ARMH4: variants seen among roughly 807,000 people sequenced by gnomAD.
ARMH4 encodes armadillo-like helical domain-containing protein 4.
ARMH4 carries 49 observed loss-of-function variants against 61.9 expected under a neutral mutation model. That is an observed-to-expected ratio of 0.79 (90% CI 0.63 to 1.00). ARMH4 has a LOEUF of 1.00. Among genes scored for constraint, ARMH4 ranks in the 50% least tolerant of loss-of-function variants. The pLI, the probability that ARMH4 is intolerant of heterozygous loss-of-function variation, is 0.00. For missense variants in ARMH4, 934 were observed against 930.0 expected (o/e 1.00, Z -0.06); for synonymous variants, 368 against 341.5 (o/e 1.08, Z -0.85).
intron 5 of ARMH4, among the ~76,000 whole-genome samples, chr14:58,072,345 T>C (rs1171138077): frequency 6.6e-6 from 1 of 152,216 alleles, no homozygotes; most frequent in Non-Finnish European, 1.5e-5. Flanking sequence ...GGATTTGGGT[T>C]TGGGGTGGGA....
intron 4 of ARMH4, among the ~76,000 whole-genome samples, chr14:58,100,759 C>G (rs934517755): frequency 1.3e-5 from 2 of 152,112 alleles, no homozygotes. Context: ...AGTGCCCCTG[C>G]CTGTACCCCC....
At chr14:58,055,613 C>G (rs948311734) in intron 5 of ARMH4, among the ~76,000 whole-genome samples, 1 of 152,168 alleles carries the variant, frequency 6.6e-6, no homozygotes. Flanking sequence ...AGTCCACAGA[C>G]CAGCAGCATC....
intron 4 of ARMH4, among the ~76,000 whole-genome samples, chr14:58,116,717 G>C (rs544433651): frequency 6.6e-6 from 1 of 152,254 alleles, no homozygotes; most frequent in African/African-American, 2.4e-5. Context: ...ATTTCATTTA[G>C]TATTACTTTC....
intron 1 of ARMH4, 27 bp downstream of exon 1, chr14:58,152,048 A>C (rs1594788948): frequency 6.5e-6 from 1 of 152,828 alleles, no homozygotes; most frequent in Non-Finnish European, 1.5e-5. Flanking sequence ...CGGCCGCCCA[A>C]GTGGCCGGAG....
chr14:58,142,444 T>C (rs1887596028), intron 1 of ARMH4, among the ~76,000 whole-genome samples: 1 of 148,584 alleles, frequency 6.7e-6, no homozygotes, highest in Non-Finnish European at 1.5e-5. Context: ...CCTTCCTCCT[T>C]TTTTTGTTTC....
rs567424774 is a variant in ARMH4 at position 58,093,482 on chromosome 14, G to T, written c.2089+3242C>A. Among the ~76,000 whole-genome samples the T allele has an allele frequency of 3.9e-5, 6 of 152,280 alleles. No homozygotes were observed. In the South Asian group the frequency reaches 1.2e-3, roughly 32 times the overall value. On this transcript the variant is annotated intron_variant, in intron 5 of 7. Coordinates refer to ENST00000267485, the MANE Select transcript of ARMH4 (RefSeq NM_001001872.4). ...ACTGGGATTACAGGTGTGAGCCACT[G>T]TGCCCAGCCTAAAGATCCTTAATTT...
intron 1 of ARMH4, among the ~76,000 whole-genome samples, chr14:58,148,606 T>A (rs993096479): frequency 2.0e-5 from 3 of 152,192 alleles, no homozygotes; most frequent in African/African-American, 7.2e-5. Flanking sequence ...AGAGATTCCA[T>A]AAATATTTGT....
At chr14:58,148,505 C>A (rs2140004948) in intron 1 of ARMH4, among the ~76,000 whole-genome samples, 1 of 152,286 alleles carries the variant, frequency 6.6e-6, no homozygotes, top group East Asian at 1.9e-4. Flanking sequence ...CTCAGCACCT[C>A]AAATGAGATT....
intron 1 of ARMH4, among the ~76,000 whole-genome samples, chr14:58,145,681 C>T (rs547337215): frequency 3.0e-4 from 46 of 152,358 alleles, no homozygotes; most frequent in Middle Eastern, 3.4e-3. Context: ...TTGTCAGCCA[C>T]CTGCTTTCTA....
Position 58,057,596 on chromosome 14 carries a change from A to C in ARMH4, c.2089+39128T>G, listed in dbSNP as rs1299040632. On this transcript the variant is annotated intron_variant, in intron 5 of 7. Coordinates refer to ENST00000267485, the MANE Select transcript of ARMH4 (RefSeq NM_001001872.4). ...TGTGTGTGTGTGTGTGTGTATTTTG[A>C]TGGACAGAGATCAAGTGAATGAAAT... 2.0e-5 allele frequency among the ~76,000 whole-genome samples: 3 copies of C among 151,664 alleles called. No homozygotes were observed. In the East Asian group the frequency reaches 5.8e-4, roughly 29 times the overall value.
chr14:58,125,701 C>G (rs1886874377), intron 4 of ARMH4, among the ~76,000 whole-genome samples: 1 of 152,186 alleles, frequency 6.6e-6, no homozygotes, highest in Non-Finnish European at 1.5e-5. Context: ...AGGCACTCCT[C>G]CCGAGGAAAT....
intron 4 of ARMH4, among the ~76,000 whole-genome samples, chr14:58,103,708 C>T (rs1052395632): frequency 2.0e-5 from 3 of 152,068 alleles, no homozygotes; most frequent in African/African-American, 7.2e-5. Context: ...CCCACCTCAG[C>T]CTCCCAAAGT....
chr14:58,108,115 C>T (rs1477925514), intron 4 of ARMH4, among the ~76,000 whole-genome samples: 1 of 152,070 alleles, frequency 6.6e-6, no homozygotes, highest in East Asian at 1.9e-4. Flanking sequence ...ATATTAAATT[C>T]GTCTTGAGGA....
At chr14:58,064,095 T>G (rs1884625382) in intron 5 of ARMH4, among the ~76,000 whole-genome samples, 1 of 150,644 alleles carries the variant, frequency 6.6e-6, no homozygotes, top group African/African-American at 2.5e-5. Flanking sequence ...ACCCAAAATG[T>G]TGGCATTAAA....
chr14:58,125,795 G>A (rs1473478263), intron 4 of ARMH4, among the ~76,000 whole-genome samples: 2 of 152,136 alleles, frequency 1.3e-5, no homozygotes, highest in Non-Finnish European at 2.9e-5. Context: ...ACAGCACTTG[G>A]GTTTTCCTGT....
intron 3 of ARMH4, 64 bp from the exon 4 acceptor site, chr14:58,131,785 GCTTT>G: frequency 6.7e-7 from 1 of 1,487,416 alleles, no homozygotes; most frequent in South Asian, 1.2e-5. Flanking sequence ...GTAAGCATGT[GCTTT>G]CACTTTTTAG....
Position 58,145,748 on chromosome 14 carries a change from C to G in ARMH4, c.-57+6327G>C, listed in dbSNP as rs141105610. Among the ~76,000 whole-genome samples the G allele has an allele frequency of 8.6e-3, 1,316 of 152,268 alleles. 20 individuals carry two copies. The highest frequency in any genetic ancestry group is 0.03 in the African/African-American group (1,244 of 41,538). On this transcript the variant is annotated intron_variant, in intron 1 of 7. Transcript: ENST00000267485. ...ACCGCAAGCCTTTGCTTTTCTCCCCCCTTTTCAAAGGCATTGATGAAAGCT... is the reference window on the plus strand; with the variant it reads ...ACCGCAAGCCTTTGCTTTTCTCCCCGCTTTTCAAAGGCATTGATGAAAGCT...
intron 5 of ARMH4, among the ~76,000 whole-genome samples, chr14:58,095,074 G>A (rs2141261352): frequency 6.6e-6 from 1 of 152,260 alleles, no homozygotes; most frequent in Non-Finnish European, 1.5e-5. Flanking sequence ...AGTTTTCTAA[G>A]ACCCTCTAAT....
At chr14:58,077,167 C>T (rs745893333) in intron 5 of ARMH4, among the ~76,000 whole-genome samples, 22 of 152,286 alleles carry the variant, frequency 1.4e-4, no homozygotes, top group Non-Finnish European at 3.1e-4. Flanking sequence ...AGCTAGACAG[C>T]CCTGAGCTAA....
Sources: gnomAD v4.1 joint callset for allele counts (sites outside exome capture counted in the v4.1 genomes callset) on GRCh38, gnomAD v4.1.1 for gene constraint, MANE v1.5 for transcripts, NCBI Gene and HGNC (gene_info 2026-07-23, HGNC 2026-07-21) for gene names.